The following COBLL1 variants were observed in gnomAD, a reference collection of about 807,000 sequenced individuals.
COBLL1 encodes cordon-bleu protein-like 1.
Under a neutral mutation model 94.8 loss-of-function variants are expected in COBLL1, and 50 were observed. That is an observed-to-expected ratio of 0.53 (90% confidence interval 0.42 to 0.67). The LOEUF (loss-of-function observed/expected upper bound fraction) is 0.67, where lower values mean the gene tolerates loss of function less well. Among genes scored for constraint, COBLL1 ranks in the 30% least tolerant of loss-of-function variants. The probability of loss-of-function intolerance (pLI) is 0.00; values close to 1 mark genes in which losing one functional copy is unlikely to be tolerated. For missense variants in COBLL1, 1,362 were observed against 1,348.7 expected, an observed-to-expected ratio of 1.01 and a Z score of -0.15; for synonymous variants, 448 against 473.8, an observed-to-expected ratio of 0.95 and a Z score of 0.71.
intron 2 of COBLL1, among the ~76,000 whole-genome samples, chr2:164,659,554 G>A (rs1445036136): frequency 6.6e-6 from 1 of 152,132 alleles, no homozygotes; most frequent in Non-Finnish European, 1.5e-5. Flanking sequence ...CAGTGAGTAT[G>A]CCGTTCACAT....
At chr2:164,732,798 G>A (rs990036934) in intron 3 of COBLL1, among the ~76,000 whole-genome samples, 1 of 152,236 alleles carries the variant, frequency 6.6e-6, no homozygotes, top group East Asian at 1.9e-4. Flanking sequence ...GCTCACGCCT[G>A]TAATCCCAGC....
intron 2 of COBLL1, among the ~76,000 whole-genome samples, chr2:164,660,556 C>A (rs1691054571): frequency 6.6e-6 from 1 of 152,112 alleles, no homozygotes; most frequent in Admixed American, 6.6e-5. Context: ...GAAAAACAAG[C>A]CCAGTAGTAC....
intron 7 of COBLL1, among the ~76,000 whole-genome samples, chr2:164,707,036 G>A (rs1384906922): frequency 3.9e-5 from 6 of 152,184 alleles, no homozygotes; most frequent in South Asian, 2.1e-4. Context: ...CAAATGTGCC[G>A]GCAGAGTTCC....
intron 2 of COBLL1, among the ~76,000 whole-genome samples, chr2:164,660,986 A>T (rs1198926947): frequency 6.6e-6 from 1 of 152,312 alleles, no homozygotes; most frequent in East Asian, 1.9e-4. Context: ...GATTCAAAAC[A>T]TTTATGTCTC....
chr2:164,791,754 GGTAGCA>G (rs937988790), intron 2 of COBLL1, among the ~76,000 whole-genome samples: 2 of 152,206 alleles, frequency 1.3e-5, no homozygotes, highest in African/African-American at 4.8e-5. Context: ...TGGTAGCAGA[GGTAGCA>G]GTACCTCTGG....
At position 164,682,993 on chromosome 2, in the gene COBLL1, A is replaced by C. The variant is rs1683106002; in HGVS notation, c.*2953T>G. The stretch of plus-strand genomic sequence containing the variant: ...TTAGAGTGTGACCTCCTTTCATGTT[A>C]AGAAACACACATACACACACACACA... On this transcript the variant is annotated 3_prime_UTR_variant, in exon 14 of 14. Transcript: ENST00000652658. The C allele has an allele frequency of 7.2e-6, 1 of 139,762 alleles. No homozygotes were observed. Among genetic ancestry groups the C allele is most frequent in the Admixed American group, 7.1e-5 (1 of 14,032 alleles). 8.7% of individuals were successfully genotyped at this position (139,762 alleles called of 1,614,324 possible). A position where few individuals can be genotyped will look rare whatever the true frequency, so the allele number is the denominator to read the frequency against.
At chr2:164,669,578 G>A (rs902918171) in intron 1 of COBLL1, among the ~76,000 whole-genome samples, 3 of 152,192 alleles carry the variant, frequency 2.0e-5, no homozygotes, top group African/African-American at 7.2e-5. Context: ...TACCCACAAA[G>A]TTCAGAAGAA....
chr2:164,776,260 T>C (rs1688456831), intron 2 of COBLL1, among the ~76,000 whole-genome samples: 1 of 152,098 alleles, frequency 6.6e-6, no homozygotes, highest in Non-Finnish European at 1.5e-5. Context: ...CCATGGCCCT[T>C]AGAATAAATC....
chr2:164,814,900 CA>C (rs1338593175), intron 2 of COBLL1, among the ~76,000 whole-genome samples: 1 of 152,090 alleles, frequency 6.6e-6, no homozygotes, highest in African/African-American at 2.4e-5. Context: ...AAGGAGGAGC[CA>C]AAAAATGACT....
intron 2 of COBLL1, among the ~76,000 whole-genome samples, chr2:164,755,334 C>A (rs1687344543): frequency 6.6e-6 from 1 of 152,168 alleles, no homozygotes; most frequent in African/African-American, 2.4e-5. Flanking sequence ...ATCACCTTAT[C>A]CACCAGAAAA....
intron 2 of COBLL1, among the ~76,000 whole-genome samples, chr2:164,754,028 G>A (rs1687268932): frequency 6.6e-6 from 1 of 151,996 alleles, no homozygotes; most frequent in African/African-American, 2.4e-5. Context: ...CCACCGTGCT[G>A]GCCCAGAATC....
At chr2:164,740,313 A>G (rs1686523967) in intron 3 of COBLL1, among the ~76,000 whole-genome samples, 1 of 152,154 alleles carries the variant, frequency 6.6e-6, no homozygotes, top group South Asian at 2.1e-4. Context: ...CAGTGAGTCC[A>G]GCTCTTACCA....
chr2:164,749,248 A>G (rs1687012804), intron 2 of COBLL1, among the ~76,000 whole-genome samples: 1 of 152,182 alleles, frequency 6.6e-6, no homozygotes, highest in African/African-American at 2.4e-5. Flanking sequence ...TGTATTTATC[A>G]TATTTATAAA....
chr2:164,780,931 C>T (rs1224415822), intron 2 of COBLL1, among the ~76,000 whole-genome samples: 2 of 152,138 alleles, frequency 1.3e-5, no homozygotes, highest in East Asian at 3.9e-4. Context: ...TTAGAACAGG[C>T]ACCTTTAAGA....
At chr2:164,693,010 A>T (rs1217145675) in intron 12 of COBLL1, among the ~76,000 whole-genome samples, 2 of 152,152 alleles carry the variant, frequency 1.3e-5, no homozygotes, top group African/African-American at 4.8e-5. Flanking sequence ...GAAGACTAAA[A>T]AATTTAATTA....
intron 12 of COBLL1, 104 bp downstream of exon 12, chr2:164,694,165 A>G (rs1481399572): frequency 2.8e-6 from 3 of 1,081,864 alleles, no homozygotes; most frequent in South Asian, 3.1e-5. Context: ...TCAGATGAAT[A>G]TGAGTTCAGA....
chr2:164,775,712 T>C (rs1291462440), intron 2 of COBLL1, among the ~76,000 whole-genome samples: 1 of 152,054 alleles, frequency 6.6e-6, no homozygotes, highest in Non-Finnish European at 1.5e-5. Flanking sequence ...CCTTGGCCTA[T>C]CAAAGTGCTG....
intron 2 of COBLL1, chr2:164,840,954 C>T (rs1321408473): frequency 6.2e-6 from 3 of 481,522 alleles, no homozygotes; most frequent in Admixed American, 4.4e-5. Flanking sequence ...AGGAAGGCAA[C>T]CAAAAACGAC....
intron 9 of COBLL1, 25 bp from the exon 10 acceptor site, chr2:164,700,781 C>A: frequency 7.2e-7 from 1 of 1,392,836 alleles, no homozygotes; most frequent in Non-Finnish European, 1.0e-6. Flanking sequence ...AGATATAATC[C>A]TAAATATTAA....
Sources: gnomAD v4.1 joint callset for allele counts (sites outside exome capture counted in the v4.1 genomes callset) on GRCh38, gnomAD v4.1.1 for gene constraint, MANE v1.5 for transcripts, NCBI Gene and HGNC (gene_info 2026-07-23, HGNC 2026-07-21) for gene names.